GALNTL6: variants seen among roughly 807,000 people sequenced by gnomAD.
GALNTL6 encodes polypeptide N-acetylgalactosaminyltransferase like 6.
Under a neutral mutation model 73.7 loss-of-function variants are expected in GALNTL6, and 46 were observed. That is an observed-to-expected ratio of 0.62 (90% CI 0.49 to 0.80). GALNTL6 has a LOEUF of 0.80. Among genes scored for constraint, GALNTL6 ranks in the 30% least tolerant of loss-of-function variants. The pLI is 0.00. For missense variants in GALNTL6, 604 were observed against 755.0 expected, an observed-to-expected ratio of 0.80 and a Z score of 2.34; for synonymous variants, 259 against 263.7, an observed-to-expected ratio of 0.98 and a Z score of 0.17.
intron 2 of GALNTL6, among the ~76,000 whole-genome samples, chr4:172,064,174 C>T (rs890107315): frequency 3.3e-5 from 5 of 152,192 alleles, no homozygotes; most frequent in African/African-American, 1.2e-4. Context: ...ATTTTGTAGA[C>T]ATTGTAGTCA....
At chr4:172,838,932 T>C (rs1399251224) in intron 7 of GALNTL6, among the ~76,000 whole-genome samples, 1 of 152,194 alleles carries the variant, frequency 6.6e-6, no homozygotes, top group Non-Finnish European at 1.5e-5. Context: ...AATTAGATTA[T>C]CCAACTAGAG....
chr4:172,422,377 A>G (rs1357450982), intron 5 of GALNTL6, among the ~76,000 whole-genome samples: 2 of 88,162 alleles, frequency 2.3e-5, no homozygotes, highest in African/African-American at 5.8e-5. Flanking sequence ...ACAGCCTATT[A>G]TTTTTATAAT....
At chr4:172,437,309 C>T (rs1731670379) in intron 5 of GALNTL6, among the ~76,000 whole-genome samples, 1 of 152,058 alleles carries the variant, frequency 6.6e-6, no homozygotes, top group South Asian at 2.1e-4. Flanking sequence ...AAAACATCCA[C>T]AATGATGGGT....
At chr4:172,916,802 C>T (rs1475194943) in intron 8 of GALNTL6, among the ~76,000 whole-genome samples, 2 of 151,796 alleles carry the variant, frequency 1.3e-5, no homozygotes, top group African/African-American at 4.9e-5. Flanking sequence ...GAAACAATAT[C>T]GTGAAAATGG....
intron 2 of GALNTL6, among the ~76,000 whole-genome samples, chr4:172,143,469 G>C (rs1733851714): frequency 6.6e-6 from 1 of 151,480 alleles, no homozygotes; most frequent in Non-Finnish European, 1.5e-5. Context: ...TGCCATCTGT[G>C]TGTTTGGTAG....
At chr4:172,836,441 C>G (rs150945661) in intron 7 of GALNTL6, among the ~76,000 whole-genome samples, 161 of 152,286 alleles carry the variant, frequency 1.1e-3, no homozygotes, top group African/African-American at 3.6e-3. Context: ...GTGCCATGCT[C>G]CAAAGCATGA....
intron 4 of GALNTL6, among the ~76,000 whole-genome samples, chr4:172,335,249 A>G (rs956256700): frequency 6.6e-6 from 1 of 152,122 alleles, no homozygotes; most frequent in Non-Finnish European, 1.5e-5. Flanking sequence ...AGGTTTATTG[A>G]TTTGCATATG....
intron 2 of GALNTL6, among the ~76,000 whole-genome samples, chr4:172,188,061 A>G (rs1735466558): frequency 1.3e-5 from 2 of 152,214 alleles, no homozygotes; most frequent in South Asian, 2.1e-4. Flanking sequence ...TTTTTTCTAC[A>G]TAATCATTGA....
chr4:172,086,437 T>C (rs1407286183), intron 2 of GALNTL6, among the ~76,000 whole-genome samples: 2 of 152,166 alleles, frequency 1.3e-5, no homozygotes, highest in Non-Finnish European at 2.9e-5. Flanking sequence ...GTTGTATATA[T>C]ATAATTATTT....
intron 7 of GALNTL6, among the ~76,000 whole-genome samples, chr4:172,823,066 C>T (rs1454362337): frequency 1.3e-5 from 2 of 152,130 alleles, no homozygotes; most frequent in Non-Finnish European, 2.9e-5. Flanking sequence ...TTCCATGCAC[C>T]TGTGAAAATA....
At chr4:172,124,117 A>G (rs1733229412) in intron 2 of GALNTL6, among the ~76,000 whole-genome samples, 1 of 152,160 alleles carries the variant, frequency 6.6e-6, no homozygotes, top group Admixed American at 6.5e-5. Context: ...AAATTTGGTT[A>G]TTTTTGTAAT....
intron 2 of GALNTL6, among the ~76,000 whole-genome samples, chr4:172,132,344 T>C (rs1026218232): frequency 5.3e-5 from 8 of 152,132 alleles, no homozygotes; most frequent in African/African-American, 1.7e-4. Context: ...TTTGAACACA[T>C]GAATTTTGTA....
intron 5 of GALNTL6, among the ~76,000 whole-genome samples, chr4:172,503,526 G>GTATATATA (rs3083398): frequency 0.11 from 9,505 of 85,442 alleles, 572 homozygotes; most frequent in East Asian, 0.19. Context: ...ACATAGAGTA[G>GTATATATA]TATATATATA....
chr4:172,530,659 G>A lies in GALNTL6; in HGVS notation c.553+181970G>A, dbSNP rs191619346. ...TGATTATAAGCATCAGTAGTTCCTT[G>A]TGGTTGATAATAATTTTGCATATGT... On this transcript the variant is annotated intron_variant, in intron 5 of 12. Coordinates refer to ENST00000506823, the MANE Select transcript of GALNTL6 (RefSeq NM_001034845.3). Among the ~76,000 whole-genome samples, 4 of 152,200 alleles carry A rather than the reference G, an allele frequency of 2.6e-5. No individual in the cohort carries two copies. The South Asian group carries it at 6.2e-4, about 24-fold the overall frequency.
rs114341959 is a variant in GALNTL6 at position 172,841,780 on chromosome 4, A to C, written c.923+28057A>C. On this transcript the variant is annotated intron_variant, in intron 7 of 12. Coordinates refer to ENST00000506823, the MANE Select transcript of GALNTL6 (RefSeq NM_001034845.3). Reference sequence around the variant, plus strand: ...CCTCCCCTCTACGTGTGCGGATTACATTTCCAGATGAGATTTGGATGGGGA... The same window carrying C: ...CCTCCCCTCTACGTGTGCGGATTACCTTTCCAGATGAGATTTGGATGGGGA... 5.4e-3 allele frequency among the ~76,000 whole-genome samples: 827 copies of C among 152,298 alleles called. 11 individuals are homozygous for C. The highest frequency in any genetic ancestry group is 0.016 in the African/African-American group (668 of 41,560).
At chr4:172,820,947 T>G (rs1319398271) in intron 7 of GALNTL6, among the ~76,000 whole-genome samples, 1 of 152,174 alleles carries the variant, frequency 6.6e-6, no homozygotes, top group Non-Finnish European at 1.5e-5. Flanking sequence ...AAAGACAAGT[T>G]CCAGGAGAGT....
At chr4:172,198,518 C>T (rs1235532698) in intron 2 of GALNTL6, among the ~76,000 whole-genome samples, 3 of 152,158 alleles carry the variant, frequency 2.0e-5, no homozygotes, top group African/African-American at 7.2e-5. Context: ...AGCTCAAGAT[C>T]CCTGATGATT....
chr4:173,036,465 G>A (rs1299506683), intron 12 of GALNTL6, among the ~76,000 whole-genome samples: 1 of 152,154 alleles, frequency 6.6e-6, no homozygotes, highest in Non-Finnish European at 1.5e-5. Flanking sequence ...TGAGCTACCT[G>A]GAAAGGCACA....
chr4:172,214,290 C>G (rs761783907), intron 2 of GALNTL6, among the ~76,000 whole-genome samples: 6 of 152,008 alleles, frequency 3.9e-5, no homozygotes, highest in Admixed American at 2.6e-4. Context: ...TGTTGTCTTT[C>G]CATATAAACA....
Sources: gnomAD v4.1 joint callset for allele counts (sites outside exome capture counted in the v4.1 genomes callset) on GRCh38, gnomAD v4.1.1 for gene constraint, MANE v1.5 for transcripts, NCBI Gene and HGNC (gene_info 2026-07-23, HGNC 2026-07-21) for gene names.